The following SEMA6D variants were observed in gnomAD, a reference collection of about 807,000 sequenced individuals.
The protein encoded by SEMA6D is semaphorin-6D.
A neutral mutation model predicts 106.6 loss-of-function variants in SEMA6D; 35 were observed. The ratio of observed to expected loss-of-function variants is 0.33; its 90% CI spans 0.25 to 0.44. The LOEUF is 0.44. Among genes scored for constraint, SEMA6D ranks in the 20% least tolerant of loss-of-function variants. SEMA6D has a pLI of 1.00. For synonymous variants in SEMA6D, 499 were observed against 487.7 expected (o/e 1.02, Z -0.31); for missense variants, 1,185 against 1,345.9 (o/e 0.88, Z 1.87).
intron 1 of SEMA6D, among the ~76,000 whole-genome samples, chr15:47,263,351 G>A (rs1358543149): frequency 6.6e-6 from 1 of 151,828 alleles, no homozygotes; most frequent in Non-Finnish European, 1.5e-5. Context: ...AAATTTACAA[G>A]AATAAAAAAC....
At chr15:47,218,153 G>A (rs1439902609) in intron 1 of SEMA6D, among the ~76,000 whole-genome samples, 1 of 152,106 alleles carries the variant, frequency 6.6e-6, no homozygotes, top group Non-Finnish European at 1.5e-5. Context: ...TTGGGAAAAT[G>A]AAGGAAATGC....
At chr15:47,506,458 G>A (rs2044039498) in intron 3 of SEMA6D, among the ~76,000 whole-genome samples, 1 of 152,068 alleles carries the variant, frequency 6.6e-6, no homozygotes, top group Admixed American at 6.6e-5. Context: ...ACAGAACTTG[G>A]CAGGATACCA....
chr15:47,384,814 G>GTTTTTTTTTTTTTTTTTTTTTTTTTTT (rs1168068495), intron 1 of SEMA6D, among the ~76,000 whole-genome samples: 5 of 65,694 alleles, frequency 7.6e-5, no homozygotes, highest in African/African-American at 2.6e-4. Context: ...GATTACTAAA[G>GTTTTTTTTTTTTTTTTTTTTTTTTTTT]TTTTTTTTTT....
intron 1 of SEMA6D, among the ~76,000 whole-genome samples, chr15:47,326,306 CT>C (rs1439741746): frequency 1.3e-5 from 2 of 152,134 alleles, no homozygotes; most frequent in African/African-American, 4.8e-5. Flanking sequence ...GCAATAATGA[CT>C]GTGCTTTTAA....
intron 4 of SEMA6D, among the ~76,000 whole-genome samples, chr15:47,621,502 G>C (rs1201756832): frequency 1.3e-5 from 2 of 152,096 alleles, no homozygotes; most frequent in African/African-American, 4.8e-5. Flanking sequence ...GAGCAGCTGT[G>C]TCTGGTAGAG....
chr15:47,572,027 T>G (rs1302252309), intron 3 of SEMA6D, among the ~76,000 whole-genome samples: 1 of 152,236 alleles, frequency 6.6e-6, no homozygotes, highest in East Asian at 1.9e-4. Context: ...CACATTGTCA[T>G]AGGTTCAGAT....
At chr15:47,701,741 G>A (rs1355849995) in intron 4 of SEMA6D, among the ~76,000 whole-genome samples, 1 of 152,138 alleles carries the variant, frequency 6.6e-6, no homozygotes, top group Non-Finnish European at 1.5e-5. Context: ...TTCCTCATAT[G>A]GTATTAGAGA....
intron 1 of SEMA6D, among the ~76,000 whole-genome samples, chr15:47,322,628 A>G (rs1185409446): frequency 6.6e-6 from 1 of 152,098 alleles, no homozygotes; most frequent in East Asian, 1.9e-4. Flanking sequence ...TGGTTAAGAT[A>G]ATGTCTTCTG....
At chr15:47,268,117 T>C (rs2034404721) in intron 1 of SEMA6D, among the ~76,000 whole-genome samples, 3 of 152,132 alleles carry the variant, frequency 2.0e-5, no homozygotes, top group Non-Finnish European at 4.4e-5. Flanking sequence ...CCAGGTGATC[T>C]TTATGCACAT....
chr15:47,559,827 C>G (rs1408227706), intron 3 of SEMA6D, among the ~76,000 whole-genome samples: 1 of 151,972 alleles, frequency 6.6e-6, no homozygotes, highest in African/African-American at 2.4e-5. Context: ...TGAGAATGGC[C>G]TAAAATTTGA....
At chr15:47,235,574 G>T (rs183245535) in intron 1 of SEMA6D, among the ~76,000 whole-genome samples, 2 of 152,064 alleles carry the variant, frequency 1.3e-5, no homozygotes, top group Non-Finnish European at 2.9e-5. Context: ...ATTGAATTGG[G>T]TATTCTTTCT....
At chr15:47,285,759 C>T (rs1340055107) in intron 1 of SEMA6D, among the ~76,000 whole-genome samples, 2 of 152,208 alleles carry the variant, frequency 1.3e-5, no homozygotes, top group Non-Finnish European at 2.9e-5. Flanking sequence ...GTCCTTCAAG[C>T]ATCCCTAAGT....
chr15:47,550,492 C>T (rs1596299608), intron 3 of SEMA6D, among the ~76,000 whole-genome samples: 1 of 152,088 alleles, frequency 6.6e-6, no homozygotes, highest in Non-Finnish European at 1.5e-5. Flanking sequence ...TTGTAGGATA[C>T]AATATGTATT....
chr15:47,461,959 A>G (rs2042527034), intron 2 of SEMA6D, among the ~76,000 whole-genome samples: 1 of 152,056 alleles, frequency 6.6e-6, no homozygotes, highest in Admixed American at 6.6e-5. Context: ...CATGAGTAAG[A>G]TAGGCCTGGT....
At chr15:47,193,711 G>C (rs1271438301) in intron 1 of SEMA6D, among the ~76,000 whole-genome samples, 1 of 152,100 alleles carries the variant, frequency 6.6e-6, no homozygotes, top group Non-Finnish European at 1.5e-5. Context: ...CTTTGTGCAT[G>C]CTGTTCCCTT....
At chr15:47,760,180 AG>A in intron 2 of SEMA6D, 123 bp from the exon 3 acceptor site, 1 of 686,550 alleles carries the variant, frequency 1.5e-6, no homozygotes, top group Non-Finnish European at 2.5e-6. Context: ...TTTATATTCA[AG>A]ACCTTAAGAG....
intron 3 of SEMA6D, among the ~76,000 whole-genome samples, chr15:47,471,529 C>G (rs8034783): frequency 1.3e-5 from 2 of 152,074 alleles, no homozygotes; most frequent in Admixed American, 1.3e-4. Flanking sequence ...CACAATCTGT[C>G]GTAAAGACTG....
At chr15:47,190,885 C>G (rs1288227601) in intron 1 of SEMA6D, among the ~76,000 whole-genome samples, 3 of 152,098 alleles carry the variant, frequency 2.0e-5, no homozygotes, top group African/African-American at 7.2e-5. Flanking sequence ...ACTTGACATC[C>G]TTGATTGGGT....
At chr15:47,236,116 T>C (rs2032522279) in intron 1 of SEMA6D, among the ~76,000 whole-genome samples, 1 of 152,164 alleles carries the variant, frequency 6.6e-6, no homozygotes, top group Non-Finnish European at 1.5e-5. Context: ...ATTGCATCAA[T>C]CTTTGGTTAG....
Sources: gnomAD v4.1 joint callset for allele counts (sites outside exome capture counted in the v4.1 genomes callset) on GRCh38, gnomAD v4.1.1 for gene constraint, MANE v1.5 for transcripts, NCBI Gene and HGNC (gene_info 2026-07-23, HGNC 2026-07-21) for gene names.